RALGPS1: variants seen among roughly 807,000 people sequenced by gnomAD.
RALGPS1 encodes Ral GEF with PH domain and SH3 binding motif 1, also known as ras-specific guanine nucleotide-releasing factor RalGPS1.
A neutral mutation model predicts 78.8 loss-of-function variants in RALGPS1; 19 were observed. The observed-to-expected ratio is 0.24, with a 90% CI of 0.17 to 0.35. RALGPS1 has a LOEUF of 0.35. Among genes scored for constraint, RALGPS1 ranks in the 10% least tolerant of loss-of-function variants. RALGPS1 has a pLI of 1.00. For missense variants in RALGPS1, 454 were observed against 688.3 expected, an observed-to-expected ratio of 0.66 and a Z score of 3.81; for synonymous variants, 228 against 256.3, an observed-to-expected ratio of 0.89 and a Z score of 1.06.
chr9:127,220,195 G>A lies in RALGPS1; in HGVS notation c.*1426G>A, dbSNP rs2062737233. On this transcript the variant is annotated 3_prime_UTR_variant, in exon 19 of 19. Transcript: ENST00000259351. Reference sequence around the variant, plus strand: ...CTTAAACAGTTTTCTGGAAGAGACTGAATTTCTGGGTCCTTGCAGCTGTGA... The same window carrying A: ...CTTAAACAGTTTTCTGGAAGAGACTAAATTTCTGGGTCCTTGCAGCTGTGA... 1.3e-5 allele frequency: 2 copies of A among 152,238 alleles called. No individual in the cohort carries two copies. The highest frequency in any genetic ancestry group is 4.8e-5 in the African/African-American group (2 of 41,450). 9.4% of individuals were successfully genotyped at this position (152,238 alleles called of 1,614,324 possible). A position where few individuals can be genotyped will look rare whatever the true frequency, so the allele number is the denominator to read the frequency against.
chr9:126,939,170 G>A (rs1006895599), intron 1 of RALGPS1, among the ~76,000 whole-genome samples: 8 of 152,274 alleles, frequency 5.3e-5, no homozygotes, highest in South Asian at 2.1e-4. Flanking sequence ...CTGCAGGGTC[G>A]CATGTGTCTG....
intron 4 of RALGPS1, among the ~76,000 whole-genome samples, chr9:126,987,165 C>G (rs895110023): frequency 2.0e-5 from 3 of 152,080 alleles, no homozygotes; most frequent in African/African-American, 7.3e-5. Context: ...CTTCAGAGCT[C>G]GGTTCACATC....
chr9:127,190,385 A>G (rs967557523), intron 11 of RALGPS1, among the ~76,000 whole-genome samples: 1 of 152,074 alleles, frequency 6.6e-6, no homozygotes, highest in Non-Finnish European at 1.5e-5. Context: ...GTGCAGTGGC[A>G]TGATATCAGC....
chr9:126,957,124 C>A (rs2038420257), intron 1 of RALGPS1, among the ~76,000 whole-genome samples: 2 of 152,210 alleles, frequency 1.3e-5, no homozygotes, highest in South Asian at 4.1e-4. Flanking sequence ...TAGCCGGGTG[C>A]CTTGCACAGC....
intron 5 of RALGPS1, among the ~76,000 whole-genome samples, chr9:127,044,238 A>G (rs2047558999): frequency 6.6e-6 from 1 of 152,158 alleles, no homozygotes; most frequent in African/African-American, 2.4e-5. Flanking sequence ...CAAGTCATAT[A>G]AAGACATGGA....
chr9:127,210,609 A>C (rs988983601), intron 14 of RALGPS1: 24 of 996,236 alleles, frequency 2.4e-5, no homozygotes, highest in Non-Finnish European at 3.4e-5. Flanking sequence ...GAGCTAATTG[A>C]CTATGTTGTC....
chr9:127,046,617 T>C (rs1192571177), intron 5 of RALGPS1, among the ~76,000 whole-genome samples: 1 of 140,424 alleles, frequency 7.1e-6, no homozygotes, highest in African/African-American at 2.7e-5. Flanking sequence ...AGAGCTTTTA[T>C]CAATCAATAA....
At chr9:127,132,404 A>G (rs7866932) in intron 8 of RALGPS1, among the ~76,000 whole-genome samples, 8,967 of 152,272 alleles carry the variant, frequency 0.059, 908 homozygotes, top group African/African-American at 0.2. Context: ...CACCACAACA[A>G]AACACCTGAA....
At chr9:127,033,120 A>T (rs148992038) in intron 4 of RALGPS1, among the ~76,000 whole-genome samples, 3 of 152,258 alleles carry the variant, frequency 2.0e-5, no homozygotes, top group African/African-American at 7.2e-5. Flanking sequence ...ATTTGAGTCT[A>T]AGTTGTGAGG....
intron 8 of RALGPS1, among the ~76,000 whole-genome samples, chr9:127,111,268 C>G (rs1335372299): frequency 6.6e-6 from 1 of 152,152 alleles, no homozygotes; most frequent in Non-Finnish European, 1.5e-5. Flanking sequence ...TCAGTTAGAC[C>G]CTCCCTGCTG....
chr9:127,005,663 C>T (rs927531812), intron 4 of RALGPS1, among the ~76,000 whole-genome samples: 4 of 152,100 alleles, frequency 2.6e-5, no homozygotes, highest in Non-Finnish European at 5.9e-5. Flanking sequence ...AAGTACTTGA[C>T]TGAACTTCAG....
intron 11 of RALGPS1, among the ~76,000 whole-genome samples, chr9:127,181,676 G>A (rs1255332596): frequency 6.6e-6 from 1 of 152,162 alleles, no homozygotes; most frequent in East Asian, 1.9e-4. Flanking sequence ...TAGTTGGGGT[G>A]CTTCAGGCCT....
intron 8 of RALGPS1, among the ~76,000 whole-genome samples, chr9:127,135,656 G>A (rs2057342375): frequency 6.6e-6 from 1 of 152,226 alleles, no homozygotes; most frequent in South Asian, 2.1e-4. Flanking sequence ...ACCCCTGTGG[G>A]AGCAGATCTT....
chr9:127,183,666 ATG>A lies in RALGPS1; in HGVS notation c.910+8889_910+8890del, dbSNP rs1383417195. ...GGGTCTGTGGAGACTCCGCCTGACTATGTGTGAGTAGAAAAAGAGAACAGCCA... is the reference window on the plus strand; with the variant it reads ...GGGTCTGTGGAGACTCCGCCTGACTATGTGAGTAGAAAAAGAGAACAGCCA... On this transcript the variant is annotated intron_variant, in intron 11 of 18. Transcript: ENST00000259351. This position sits in a 1 kb window ranked among gnomAD's most constrained non-coding sequence, Gnocchi z 4.0. Among the ~76,000 whole-genome samples the A allele has an allele frequency of 2.0e-5, 3 of 151,876 alleles. No individual in the cohort carries two copies. Among genetic ancestry groups the A allele is most frequent in the African/African-American group, 7.3e-5 (3 of 41,356 alleles).
At chr9:127,129,442 G>T (rs1204295847) in intron 8 of RALGPS1, among the ~76,000 whole-genome samples, 2 of 147,882 alleles carry the variant, frequency 1.4e-5, no homozygotes, top group East Asian at 2.3e-4. Flanking sequence ...TATAGTCAGT[G>T]GGGGGGGATT....
rs573238968 is a variant in RALGPS1, at chr9:126,930,623, T to C, written c.-66+15648T>C. 5.0e-4 allele frequency among the ~76,000 whole-genome samples: 76 copies of C among 152,062 alleles called. 1 individual carries two copies. The highest frequency in any genetic ancestry group is 1.7e-3 in the South Asian group (8 of 4,810). ...ATACCCAGCTAATTAAAAAAATATT[T>C]TTAGTAGAGATGGGGTTTCATTTTT... On this transcript the variant is annotated intron_variant, in intron 1 of 18. Transcript: ENST00000259351.
chr9:127,205,785 A>G lies in RALGPS1; in HGVS notation c.1248-6346A>G, dbSNP rs1394428272. Among the ~76,000 whole-genome samples, 2 of 152,188 alleles carry G rather than the reference A, an allele frequency of 1.3e-5. No homozygotes were observed. The highest frequency in any genetic ancestry group is 3.8e-4 in the East Asian group (2 of 5,196). ...GGGATGCCTCCCAGGTTTACATGTG[A>G]TAGTTTCGCCCAGCCACTGAGCCTC... is the stretch of plus-strand genomic sequence containing the variant. On this transcript the variant is annotated intron_variant, in intron 14 of 18. Coordinates refer to ENST00000259351, the MANE Select transcript of RALGPS1 (RefSeq NM_014636.3). This position sits in a 1 kb window ranked among gnomAD's most constrained non-coding sequence, Gnocchi z 4.0.
rs187728023 is a variant in RALGPS1 at position 127,043,528 on chromosome 9, C to A, written c.301-6515C>A. ...TTTTAGGAGAAAACGTAGAAGAAAACCTGTATGACCTTGGATTTGTTAATG... is the reference window on the plus strand; with the variant it reads ...TTTTAGGAGAAAACGTAGAAGAAAAACTGTATGACCTTGGATTTGTTAATG... On this transcript the variant is annotated intron_variant, in intron 5 of 18. Coordinates refer to ENST00000259351, the MANE Select transcript of RALGPS1 (RefSeq NM_014636.3). Among the ~76,000 whole-genome samples the A allele has an allele frequency of 1.2e-4, 18 of 152,016 alleles. No individual in the cohort carries two copies. In the East Asian group the frequency reaches 3.5e-3, roughly 29 times the overall value.
chr9:127,084,421 G>T (rs552599973), intron 8 of RALGPS1, among the ~76,000 whole-genome samples: 25 of 152,170 alleles, frequency 1.6e-4, no homozygotes, highest in Admixed American at 6.5e-4. Context: ...TGTACTTCCT[G>T]CCCTGCCCCT....
Sources: gnomAD v4.1 joint callset for allele counts (sites outside exome capture counted in the v4.1 genomes callset) on GRCh38, gnomAD v4.1.1 for gene constraint, Gnocchi (gnomAD v3.1) non-coding constraint, MANE v1.5 for transcripts, NCBI Gene and HGNC (gene_info 2026-07-23, HGNC 2026-07-21) for gene names.